The following CPLANE1 variants were observed in gnomAD, a reference collection of about 807,000 sequenced individuals.
The protein encoded by CPLANE1 is ciliogenesis and planar polarity effector complex subunit 1.
CPLANE1 carries 263 observed loss-of-function variants against 362.5 expected under a neutral mutation model. The observed-to-expected ratio is 0.73, with a 90% CI of 0.66 to 0.80. CPLANE1 has a LOEUF of 0.80. CPLANE1 is among the 30% of genes least tolerant of loss of function. The pLI is 0.00. For synonymous variants in CPLANE1, 1,212 were observed against 1,302.6 expected, an observed-to-expected ratio of 0.93 and a Z score of 1.50; for missense variants, 3,461 against 3,793.4, an observed-to-expected ratio of 0.91 and a Z score of 2.30.
At chr5:37,085,991 C>T in the CPLANE1 span, 12 of 591,450 alleles carry the variant, frequency 2.0e-5, no homozygotes, top group Non-Finnish European at 3.3e-5. Context: ...ACTTGTCCAA[C>T]AGGAAAATAT....
the CPLANE1 span, chr5:37,085,200 A>T: frequency 1.2e-6 from 1 of 840,396 alleles, no homozygotes; most frequent in South Asian, 1.3e-5. Flanking sequence ...CATTTTCCTA[A>T]GGAACAGACT....
chr5:37,208,547 G>C (rs1791516465), intron 16 of CPLANE1, among the ~76,000 whole-genome samples: 1 of 152,030 alleles, frequency 6.6e-6, no homozygotes, highest in African/African-American at 2.4e-5. Context: ...CGAGGTGGTG[G>C]GCGCCTGTAG....
intron 46 of CPLANE1, among the ~76,000 whole-genome samples, chr5:37,131,248 T>C (rs1435375457): frequency 6.6e-6 from 1 of 151,886 alleles, no homozygotes; most frequent in Non-Finnish European, 1.5e-5. Context: ...TGAAGCAAAA[T>C]GAAAAGAAAA....
the CPLANE1 span, among the ~76,000 whole-genome samples, chr5:37,088,497 G>A: frequency 2.0e-5 from 3 of 152,178 alleles, no homozygotes; most frequent in Admixed American, 6.5e-5. Context: ...AGGTAATTCA[G>A]GGAAAGAACC....
chr5:37,103,667 T>C (rs1757405059), downstream of CPLANE1, among the ~76,000 whole-genome samples: 1 of 152,248 alleles, frequency 6.6e-6, no homozygotes, highest in Non-Finnish European at 1.5e-5. Context: ...TTGTTAATTC[T>C]TTTCTTTAAG....
At chr5:37,140,075 T>C (rs1017271925) in intron 44 of CPLANE1, 3 of 924,432 alleles carry the variant, frequency 3.2e-6, no homozygotes, top group East Asian at 2.3e-4. Context: ...TCCCAAAATA[T>C]AATTTTTAAG....
At chr5:37,188,455 C>T (rs1222259058) in intron 21 of CPLANE1, among the ~76,000 whole-genome samples, 1 of 152,164 alleles carries the variant, frequency 6.6e-6, no homozygotes, top group Non-Finnish European at 1.5e-5. Context: ...AAGACCTTGT[C>T]TCCTAGCTAC....
chr5:37,180,181 C>T lies in CPLANE1; in HGVS notation c.5573G>A (p.Arg1858Lys). 2 of 1,450,784 alleles carry T rather than the reference C, an allele frequency of 1.4e-6. No individual in the cohort carries two copies. The highest frequency in any genetic ancestry group is 1.8e-6 in the Non-Finnish European group (2 of 1,097,282). 89.9% of individuals were successfully genotyped at this position (1,450,784 alleles called of 1,614,324 possible). A position where few individuals can be genotyped will look rare whatever the true frequency, so the allele number is the denominator to read the frequency against. ...QNKSCQNILN[R>K]MPTEAKNPDI... ...AGGATTTTTTGCTTCAGTTGGCATT[C>T]TACTGAAAAAAATGCAGCAACTAAA... Residue 1858 changes from arginine (R) to lysine (K), a missense_variant and splice_region_variant, in exon 28 of 53, where the codon AGA becomes AAA. Around this residue, in one of 2 missense-constraint regions of CPLANE1, gnomAD observed 3,380 missense variants for 3,666.1 expected, o/e 0.92. Transcript: ENST00000651892.
the CPLANE1 span, among the ~76,000 whole-genome samples, chr5:37,091,518 C>G: frequency 6.6e-6 from 1 of 152,102 alleles, no homozygotes; most frequent in Non-Finnish European, 1.5e-5. Flanking sequence ...TAAAAATATG[C>G]CCAGAAAACA....
At chr5:37,207,559 C>A (rs1337749159) in intron 16 of CPLANE1, among the ~76,000 whole-genome samples, 1 of 152,138 alleles carries the variant, frequency 6.6e-6, no homozygotes, top group Non-Finnish European at 1.5e-5. Context: ...CAACTCAAAT[C>A]CCTAGAAACA....
intron 16 of CPLANE1, chr5:37,212,109 C>T (rs879095709): frequency 2.1e-6 from 2 of 935,074 alleles, no homozygotes; most frequent in African/African-American, 1.6e-5. Context: ...ACTAGAAAAA[C>T]TGTATCAGGA....
chr5:37,203,166 T>C (rs114136921), intron 18 of CPLANE1, among the ~76,000 whole-genome samples: 60 of 152,326 alleles, frequency 3.9e-4, no homozygotes, highest in African/African-American at 1.4e-3. Context: ...TTTCCATCAC[T>C]CCAAAAGTTA....
In CPLANE1 at chr5:37,180,981, A is replaced by C; in HGVS notation, c.5446T>G (p.Cys1816Gly). Reference protein sequence around the residue: ...IKMVENRDTGCQIGPNIERES... With the variant: ...IKMVENRDTGGQIGPNIERES... The stretch of plus-strand genomic sequence containing the variant: ...CTCTCAATATTGGGTCCAATCTGAC[A>C]CCCAGTGTCACGATTCTCTACCATC... Residue 1816 changes from cysteine to glycine, a missense_variant, in exon 27 of 53, where the codon TGT becomes GGT. Physicochemically the swap from Cys to Gly is radical, Grantham distance 159. Around this residue, in one of 2 missense-constraint regions of CPLANE1, gnomAD observed 3,380 missense variants for 3,666.1 expected, o/e 0.92. Transcript: ENST00000651892. 1.9e-6 allele frequency: 3 copies of C among 1,613,992 alleles called. No homozygotes were observed. The highest frequency in any genetic ancestry group is 1.7e-6 in the Non-Finnish European group (2 of 1,179,998).
the CPLANE1 span, among the ~76,000 whole-genome samples, chr5:37,090,851 C>T: frequency 1.3e-5 from 2 of 152,120 alleles, no homozygotes; most frequent in African/African-American, 4.8e-5. Context: ...TAATTAAGTC[C>T]GCTCTTGAGC....
At chr5:37,237,107 A>C (rs1174542122) in intron 8 of CPLANE1, among the ~76,000 whole-genome samples, 1 of 152,226 alleles carries the variant, frequency 6.6e-6, no homozygotes, top group East Asian at 1.9e-4. Flanking sequence ...CCAAAGGGAA[A>C]GAAATCATTA....
At chr5:37,177,837 A>C (rs1332991946) in intron 29 of CPLANE1, 137 bp from the exon 30 acceptor site, 3 of 678,760 alleles carry the variant, frequency 4.4e-6, no homozygotes, top group Non-Finnish European at 7.8e-6. Context: ...CAAACAGTAA[A>C]ATGTACTCCC....
Position 37,139,339 on chromosome 5 carries a change from C to A in CPLANE1, c.8663+1G>T, listed in dbSNP as rs1580084520. The A allele has an allele frequency of 1.5e-6, 2 of 1,302,270 alleles. No individual in the cohort carries two copies. Among genetic ancestry groups the A allele is most frequent in the Non-Finnish European group, 2.1e-6 (2 of 947,252 alleles). The allele number at this position is 1,302,270 out of a possible 1,614,324, so 80.7% of individuals were successfully genotyped here. On this transcript the variant is annotated splice_donor_variant, in intron 45 of 52. Transcript: ENST00000651892. LOFTEE classifies it high-confidence loss of function. ...TGTGAATTAACTCTTAAGATATTTA[C>A]CTCTCACACAATTCATCACTGCTAT...
downstream of CPLANE1, among the ~76,000 whole-genome samples, chr5:37,101,761 A>T (rs751972250): frequency 6.6e-6 from 1 of 152,160 alleles, no homozygotes; most frequent in Non-Finnish European, 1.5e-5. Flanking sequence ...GCTATTTGTA[A>T]GTGACTCAAT....
chr5:37,117,330 TAAC>T (rs1045692498), intron 50 of CPLANE1, among the ~76,000 whole-genome samples: 5 of 150,680 alleles, frequency 3.3e-5, no homozygotes, highest in African/African-American at 1.2e-4. Flanking sequence ...AGTTTACAGG[TAAC>T]AACAACAGGA....
Sources: gnomAD v4.1 joint callset for allele counts (sites outside exome capture counted in the v4.1 genomes callset) on GRCh38, gnomAD v4.1.1 for gene constraint, gnomAD v4.1.1 regional missense constraint, MANE v1.5 for transcripts, NCBI Gene and HGNC (gene_info 2026-07-23, HGNC 2026-07-21) for gene names.